SGK1: variants seen among roughly 807,000 people sequenced by gnomAD.
The protein encoded by SGK1 is serine/threonine-protein kinase Sgk1.
A neutral mutation model predicts 64.2 loss-of-function variants in SGK1; 26 were observed. The ratio of observed to expected loss-of-function variants is 0.40; its 90% CI spans 0.30 to 0.56. The LOEUF (loss-of-function observed/expected upper bound fraction) is 0.56. Ranked by LOEUF, SGK1 falls within the 20% of genes least tolerant of loss-of-function variation. The pLI is 0.38. For missense variants in SGK1, 519 were observed against 645.6 expected, an observed-to-expected ratio of 0.80 and a Z score of 2.12; for synonymous variants, 265 against 239.7, an observed-to-expected ratio of 1.11 and a Z score of -0.98.
intron 2 of SGK1, among the ~76,000 whole-genome samples, chr6:134,239,736 T>TA (rs1776414805): frequency 6.6e-6 from 1 of 152,202 alleles, no homozygotes; most frequent in South Asian, 2.1e-4. Context: ...CTCTCATTTG[T>TA]AAATGTGTCT....
At chr6:134,227,060 C>A (rs1582726756) in intron 2 of SGK1, among the ~76,000 whole-genome samples, 1 of 152,296 alleles carries the variant, frequency 6.6e-6, no homozygotes, top group Admixed American at 6.5e-5. Flanking sequence ...ACCTCCTGCC[C>A]AGCTTAGTGG....
chr6:134,188,219 CTT>C (rs1200238681), intron 3 of SGK1, among the ~76,000 whole-genome samples: 2 of 147,132 alleles, frequency 1.4e-5, no homozygotes, highest in African/African-American at 5.0e-5. Context: ...ATATCTTTAC[CTT>C]TTTTTTTTTG....
chr6:134,171,952 A>G, intron 10 of SGK1: 3 of 628,490 alleles, frequency 4.8e-6, no homozygotes, highest in Non-Finnish European at 8.3e-6. Context: ...TCTCTTACTT[A>G]GGGATTTAGA....
intron 2 of SGK1, among the ~76,000 whole-genome samples, chr6:134,236,030 C>A (rs1217740084): frequency 6.6e-6 from 1 of 152,110 alleles, no homozygotes; most frequent in Admixed American, 6.6e-5. Context: ...ATGCTCCATC[C>A]TCACAGGTGG....
chr6:134,204,225 TAAA>T (rs1775731084), intron 3 of SGK1, among the ~76,000 whole-genome samples: 3 of 10,878 alleles, frequency 2.8e-4, no homozygotes, highest in African/African-American at 6.0e-4. Flanking sequence ...AGGCAAAAAA[TAAA>T]TAAATAAATA....
chr6:134,279,336 G>A (rs1777060646), intron 1 of SGK1, among the ~76,000 whole-genome samples: 1 of 152,076 alleles, frequency 6.6e-6, no homozygotes, highest in South Asian at 2.1e-4. Flanking sequence ...GGAGGCTGAG[G>A]CAAAGAATCA....
At chr6:134,190,912 A>G (rs1411794699) in intron 3 of SGK1, among the ~76,000 whole-genome samples, 2 of 152,234 alleles carry the variant, frequency 1.3e-5, no homozygotes, top group East Asian at 1.9e-4. Context: ...TTGTTAGAAC[A>G]TGATACTACT....
At chr6:134,281,768 C>T (rs1420035706) in intron 1 of SGK1, among the ~76,000 whole-genome samples, 1 of 152,080 alleles carries the variant, frequency 6.6e-6, no homozygotes, top group Non-Finnish European at 1.5e-5. Flanking sequence ...CCTCCCGTCT[C>T]GGCCTCCGGG....
At chr6:134,234,049 A>T (rs576606827) in intron 2 of SGK1, among the ~76,000 whole-genome samples, 54 of 152,364 alleles carry the variant, frequency 3.5e-4, no homozygotes, top group Admixed American at 1.2e-3. Context: ...TGTATTCAAA[A>T]CAAGTCCAAA....
intron 1 of SGK1, among the ~76,000 whole-genome samples, chr6:134,300,793 C>T (rs997488952): frequency 2.6e-5 from 4 of 151,426 alleles, no homozygotes; most frequent in East Asian, 2.0e-4. Context: ...CCACCACACC[C>T]GGCTAATTTT....
At chr6:134,308,874 C>T (rs532348967) in intron 1 of SGK1, among the ~76,000 whole-genome samples, 2 of 152,232 alleles carry the variant, frequency 1.3e-5, no homozygotes, top group Admixed American at 6.5e-5. Context: ...GAATATTTCA[C>T]TTCATGCTTT....
intron 2 of SGK1, among the ~76,000 whole-genome samples, chr6:134,244,650 G>C (rs2114728690): frequency 6.6e-6 from 1 of 152,250 alleles, no homozygotes; most frequent in East Asian, 1.9e-4. Flanking sequence ...TGCATCCACT[G>C]TCTAACCAGT....
In SGK1 at chr6:134,170,882, T is replaced by C; in HGVS notation, c.1357A>G (p.Ile453Val). 1 of 1,612,170 alleles carries C rather than the reference T, an allele frequency of 6.2e-7. No homozygotes were observed. The highest frequency in any genetic ancestry group is 8.5e-7 in the Non-Finnish European group (1 of 1,178,224). ...EIKSHVFFSLINWDDLINKKI... is the reference protein window; with the variant it reads ...EIKSHVFFSLVNWDDLINKKI... ...TTATTAATGAGATCATCCCAGTTAATTAAGGAGAAGAAGACATGACTCTTA... is the reference window on the plus strand; with the variant it reads ...TTATTAATGAGATCATCCCAGTTAACTAAGGAGAAGAAGACATGACTCTTA... The change falls in exon 13 of 14, where the codon ATT (isoleucine) becomes GTT (valine). Residue 453 changes from isoleucine (I) to valine (V), a missense_variant. By Grantham distance (29) the Ile-to-Val change is conservative. Around this residue, in one of 2 missense-constraint regions of SGK1, gnomAD observed 278 missense variants for 408.7 expected, o/e 0.68. Coordinates refer to ENST00000367858, the MANE Select transcript of SGK1 (RefSeq NM_001143676.3).
At chr6:134,290,757 C>G (rs995948250) in intron 1 of SGK1, among the ~76,000 whole-genome samples, 1 of 152,144 alleles carries the variant, frequency 6.6e-6, no homozygotes, top group African/African-American at 2.4e-5. Context: ...CAAACATATT[C>G]CCTATTTTCA....
At chr6:134,221,763 G>A (rs549241708) in intron 2 of SGK1, among the ~76,000 whole-genome samples, 7 of 151,366 alleles carry the variant, frequency 4.6e-5, no homozygotes, top group East Asian at 1.9e-4. Context: ...AGCAATTCTC[G>A]TACCTCAGCC....
chr6:134,266,538 C>T (rs1776856972), intron 1 of SGK1, among the ~76,000 whole-genome samples: 1 of 152,058 alleles, frequency 6.6e-6, no homozygotes, highest in Non-Finnish European at 1.5e-5. Flanking sequence ...CGGCTTGAAC[C>T]TCGGAGGCAG....
chr6:134,271,189 C>A (rs1328365282), intron 1 of SGK1, among the ~76,000 whole-genome samples: 2 of 138,014 alleles, frequency 1.4e-5, no homozygotes, highest in African/African-American at 2.5e-5. Context: ...CGCGGGGGCA[C>A]ATGCCTGTAA....
intron 1 of SGK1, among the ~76,000 whole-genome samples, chr6:134,315,154 A>G (rs1474627362): frequency 1.3e-5 from 2 of 152,230 alleles, no homozygotes; most frequent in African/African-American, 4.8e-5. Flanking sequence ...AAGCAAAGTC[A>G]TGTACAAGCA....
intron 2 of SGK1, among the ~76,000 whole-genome samples, chr6:134,221,006 A>G (rs1050156776): frequency 6.6e-6 from 1 of 151,062 alleles, no homozygotes; most frequent in Non-Finnish European, 1.5e-5. Flanking sequence ...AAATTTTATT[A>G]AAAAAAGTTT....
Sources: gnomAD v4.1 joint callset for allele counts (sites outside exome capture counted in the v4.1 genomes callset) on GRCh38, gnomAD v4.1.1 for gene constraint, gnomAD v4.1.1 regional missense constraint, MANE v1.5 for transcripts, NCBI Gene and HGNC (gene_info 2026-07-23, HGNC 2026-07-21) for gene names.